Variants in SMTNL2 observed in about 807,000 individuals in gnomAD.
SMTNL2 encodes smoothelin-like protein 2.
In SMTNL2, 43 loss-of-function variants were observed where a neutral mutation model predicts 44.1. The observed-to-expected ratio is 0.98, with a 90% CI of 0.76 to 1.26. The LOEUF (loss-of-function observed/expected upper bound fraction) is 1.26, where lower values mean the gene tolerates loss of function less well. SMTNL2 is among the 50% of genes most tolerant of loss of function. The pLI is 0.00. For synonymous variants in SMTNL2, 317 were observed against 287.6 expected (o/e 1.10, Z -1.03); for missense variants, 646 against 670.2 (o/e 0.96, Z 0.40).
rs765411857 is a variant in SMTNL2 at position 4,598,126 on chromosome 17, G to A, written c.1259+803G>A. ...GGATCTCAGCCCGTGGCCTGGGTGCGGAGGACTGTCTGATAAGAGCTGCGC... is the reference window on the plus strand; with the variant it reads ...GGATCTCAGCCCGTGGCCTGGGTGCAGAGGACTGTCTGATAAGAGCTGCGC... On this transcript the variant is annotated intron_variant, in intron 7 of 7. Transcript: ENST00000389313. The surrounding 1 kb of genome is among the most constrained non-coding windows in gnomAD (Gnocchi z 4.8). 3.3e-5 allele frequency among the ~76,000 whole-genome samples: 5 copies of A among 152,224 alleles called. No individual in the cohort carries two copies. The highest frequency in any genetic ancestry group is 1.9e-4 in the East Asian group (1 of 5,196).
intron 7 of SMTNL2, 45 bp downstream of exon 7, chr17:4,597,368 C>G (rs944163218): frequency 3.8e-6 from 6 of 1,597,372 alleles, no homozygotes; most frequent in Non-Finnish European, 5.1e-6. Flanking sequence ...AGCCCAGTCC[C>G]TGAGCCCAAC....
chr17:4,586,050 C>T (rs1909335965), intron 1 of SMTNL2, among the ~76,000 whole-genome samples: 1 of 152,108 alleles, frequency 6.6e-6, no homozygotes. Context: ...GGGCCTGGGG[C>T]TTGCTGCTAC....
chr17:4,602,311 C>CTTTTTTTTTTTTTTTTTTTTTTTTTTT (rs35927212), intron 7 of SMTNL2, among the ~76,000 whole-genome samples: 1 of 43,730 alleles, frequency 2.3e-5, no homozygotes. Flanking sequence ...AAGGCAGGTG[C>CTTTTTTTTTTTTTTTTTTTTTTTTTTT]TTTTTTTTTT....
intron 4 of SMTNL2, 107 bp downstream of exon 4, chr17:4,594,004 G>T (rs989325931): frequency 8.5e-7 from 1 of 1,182,800 alleles, no homozygotes; most frequent in South Asian, 1.3e-5. Flanking sequence ...CTCCTGGTAA[G>T]GCTCGGGGCT....
At chr17:4,596,336 G>A (rs548678981) in intron 5 of SMTNL2, among the ~76,000 whole-genome samples, 2 of 152,232 alleles carry the variant, frequency 1.3e-5, no homozygotes, top group Non-Finnish European at 2.9e-5. Context: ...ACCGACCCCG[G>A]ACATCTCCCC....
At chr17:4,602,033 T>C (rs1910058507) in intron 7 of SMTNL2, among the ~76,000 whole-genome samples, 1 of 152,210 alleles carries the variant, frequency 6.6e-6, no homozygotes, top group Non-Finnish European at 1.5e-5. Context: ...ATAGGTCAAA[T>C]ATCCCTTATC....
intron 5 of SMTNL2, among the ~76,000 whole-genome samples, chr17:4,596,334 C>T (rs1403269251): frequency 6.6e-6 from 1 of 152,230 alleles, no homozygotes; most frequent in South Asian, 2.1e-4. Context: ...GGACCGACCC[C>T]GGACATCTCC....
At chr17:4,605,153 GTTTTT>G (rs753950451) in intron 7 of SMTNL2, among the ~76,000 whole-genome samples, 6 of 82,250 alleles carry the variant, frequency 7.3e-5, no homozygotes, top group Admixed American at 1.4e-4. Flanking sequence ...TTTTTGTTTG[GTTTTT>G]TTTTTTTTTT....
chr17:4,604,701 C>G (rs1910195620), intron 7 of SMTNL2, among the ~76,000 whole-genome samples: 1 of 152,068 alleles, frequency 6.6e-6, no homozygotes, highest in South Asian at 2.1e-4. Context: ...GAGACAGAGT[C>G]TCGCTCTGTC....
chr17:4,602,978 G>C lies in SMTNL2; in HGVS notation c.1260-4383G>C, dbSNP rs1597417918. 3.3e-5 allele frequency among the ~76,000 whole-genome samples: 5 copies of C among 152,314 alleles called. No homozygotes were observed. In the South Asian group the frequency reaches 1.0e-3, roughly 32 times the overall value. ...TGGATCATGGCCCAGTGCCCTGGTTGCCTGCTGGGGAAGCCGGCGATCTGG... is the reference window on the plus strand; with the variant it reads ...TGGATCATGGCCCAGTGCCCTGGTTCCCTGCTGGGGAAGCCGGCGATCTGG... On this transcript the variant is annotated intron_variant, in intron 7 of 7. Coordinates refer to ENST00000389313, the MANE Select transcript of SMTNL2 (RefSeq NM_001114974.2).
chr17:4,590,954 G>A (rs1012535961), intron 1 of SMTNL2, among the ~76,000 whole-genome samples: 3 of 152,172 alleles, frequency 2.0e-5, no homozygotes, highest in Admixed American at 6.5e-5. Flanking sequence ...CGTCCTGGAC[G>A]GGCATGATCA....
chr17:4,587,360 G>A (rs181082254), intron 1 of SMTNL2, among the ~76,000 whole-genome samples: 10 of 152,326 alleles, frequency 6.6e-5, no homozygotes, highest in South Asian at 2.1e-4. Context: ...GCTGTCCTCC[G>A]TCTCAGGAGC....
chr17:4,594,346 C>T (rs937229185), intron 4 of SMTNL2, among the ~76,000 whole-genome samples: 12 of 151,868 alleles, frequency 7.9e-5, no homozygotes, highest in African/African-American at 2.4e-4. Context: ...CTACTTGGGA[C>T]GCTGAGGCAG....
chr17:4,596,983 C>A lies in SMTNL2; in HGVS notation c.1107+6C>A, dbSNP rs776428327. 2 of 1,494,158 alleles carry A rather than the reference C, an allele frequency of 1.3e-6. No individual in the cohort carries two copies. The highest frequency in any genetic ancestry group is 1.3e-5 in the South Asian group (1 of 77,990). The allele number at this position is 1,494,158 out of a possible 1,614,324, so 92.6% of individuals were successfully genotyped here. ...GCAAGACGCTGGGCTACCAGGTGAG[C>A]CCCGGCTCCCCTCCGGCTGCTGGGA... On this transcript the variant is annotated splice_donor_region_variant and intron_variant, in intron 6 of 7. Transcript: ENST00000389313.
intron 7 of SMTNL2, 91 bp downstream of exon 7, chr17:4,597,414 G>A: frequency 6.5e-7 from 1 of 1,542,240 alleles, no homozygotes; most frequent in South Asian, 1.2e-5. Flanking sequence ...CGAGTGGGAT[G>A]TCGGGCCGCT....
At chr17:4,591,826 C>T (rs939098734) in intron 1 of SMTNL2, among the ~76,000 whole-genome samples, 2 of 152,206 alleles carry the variant, frequency 1.3e-5, no homozygotes, top group African/African-American at 2.4e-5. Context: ...ATGAGTCGCA[C>T]GGAGCTGATC....
At chr17:4,605,166 T>TG (rs1472726443) in intron 7 of SMTNL2, among the ~76,000 whole-genome samples, 2 of 137,610 alleles carry the variant, frequency 1.5e-5, no homozygotes, top group East Asian at 2.0e-4. Context: ...TTTTTTTTTT[T>TG]TTTTTTTTTT....
chr17:4,598,567 T>C lies in SMTNL2; in HGVS notation c.1259+1244T>C, dbSNP rs1287547328. Among the ~76,000 whole-genome samples the C allele has an allele frequency of 1.3e-5, 2 of 152,296 alleles. No homozygotes were observed. The highest frequency in any genetic ancestry group is 1.9e-4 in the East Asian group (1 of 5,176). On this transcript the variant is annotated intron_variant, in intron 7 of 7. Coordinates refer to ENST00000389313, the MANE Select transcript of SMTNL2 (RefSeq NM_001114974.2). This position sits in a 1 kb window ranked among gnomAD's most constrained non-coding sequence, Gnocchi z 4.8. ...GGCCGGGCACGGTGGCTCCCACCTG[T>C]AATCCTAGCACTTTGGGAGGCCAAG...
chr17:4,598,241 C>T lies in SMTNL2; in HGVS notation c.1259+918C>T, dbSNP rs55869070. 0.22 allele frequency among the ~76,000 whole-genome samples: 33,287 copies of T among 152,054 alleles called. 4,549 individuals are homozygous for T. Among genetic ancestry groups the T allele is most frequent in the East Asian group, 0.61 (3,120 of 5,134 alleles). ...CCAACCTCATTCCCCTCCTGCCTCACGCCAGGGCCTCATGGTGACTGAACC... is the reference window on the plus strand; with the variant it reads ...CCAACCTCATTCCCCTCCTGCCTCATGCCAGGGCCTCATGGTGACTGAACC... On this transcript the variant is annotated intron_variant, in intron 7 of 7. Coordinates refer to ENST00000389313, the MANE Select transcript of SMTNL2 (RefSeq NM_001114974.2). The surrounding 1 kb of genome is among the most constrained non-coding windows in gnomAD (Gnocchi z 4.8).
Sources: allele counts gnomAD v4.1 joint callset (sites outside exome capture counted in the v4.1 genomes callset), GRCh38; gene constraint gnomAD v4.1.1; non-coding constraint Gnocchi (gnomAD v3.1); transcripts MANE v1.5; gene names NCBI Gene and HGNC (gene_info 2026-07-23, HGNC 2026-07-21).